The following VPS54 variants were observed in gnomAD, a reference collection of about 807,000 sequenced individuals.
VPS54 encodes VPS54 subunit of GARP complex, also known as vacuolar protein sorting-associated protein 54.
A neutral mutation model predicts 121.5 loss-of-function variants in VPS54; 45 were observed. That is an observed-to-expected ratio of 0.37 (90% CI 0.29 to 0.47). VPS54 has a LOEUF of 0.47. VPS54 is among the 20% of genes least tolerant of loss of function. The pLI is 0.99. For synonymous variants in VPS54, 371 were observed against 385.8 expected (o/e 0.96, Z 0.45); for missense variants, 1,090 against 1,131.4 (o/e 0.96, Z 0.52).
chr2:64,006,939 G>C (rs185764289), intron 1 of VPS54, among the ~76,000 whole-genome samples: 3 of 152,278 alleles, frequency 2.0e-5, no homozygotes, highest in Admixed American at 2.0e-4. Context: ...TTTTTAAATG[G>C]TCAGCAAACA....
At chr2:63,897,941 G>C (rs1246800607) in intron 21 of VPS54, among the ~76,000 whole-genome samples, 1 of 152,132 alleles carries the variant, frequency 6.6e-6, no homozygotes, top group Admixed American at 6.5e-5. Context: ...AGATACCTTC[G>C]TACTTCTAAT....
At chr2:64,011,479 T>A (rs948520384) in intron 1 of VPS54, among the ~76,000 whole-genome samples, 1 of 152,046 alleles carries the variant, frequency 6.6e-6, no homozygotes, top group Non-Finnish European at 1.5e-5. Flanking sequence ...GGCAGAGCAA[T>A]CGCTTGAACA....
chr2:63,944,505 A>ACCTTCGT, intron 10 of VPS54, 95 bp downstream of exon 10: 1 of 1,248,028 alleles, frequency 8.0e-7, no homozygotes, highest in Non-Finnish European at 1.2e-6. Flanking sequence ...ACCTTAGTAA[A>ACCTTCGT]TAATTCCTTA....
chr2:63,976,018 A>ACACGCCCG (rs1392721247), intron 3 of VPS54, among the ~76,000 whole-genome samples: 1 of 152,202 alleles, frequency 6.6e-6, no homozygotes, highest in African/African-American at 2.4e-5. Context: ...GCGTGAGCCG[A>ACACGCCCG]CACGCCCGGT....
At chr2:64,013,055 G>C (rs531227378) in intron 1 of VPS54, among the ~76,000 whole-genome samples, 3 of 152,268 alleles carry the variant, frequency 2.0e-5, no homozygotes, top group Admixed American at 2.0e-4. Context: ...CAAAATCACT[G>C]GTTAAAGGGT....
intron 12 of VPS54, 124 bp downstream of exon 12, chr2:63,933,549 A>T: frequency 2.5e-6 from 2 of 812,722 alleles, no homozygotes; most frequent in African/African-American, 1.7e-5. Flanking sequence ...TCATAAAATT[A>T]ATATATTTTT....
intron 3 of VPS54, among the ~76,000 whole-genome samples, chr2:63,973,575 G>T (rs1300650369): frequency 1.3e-5 from 2 of 150,780 alleles, no homozygotes; most frequent in African/African-American, 4.9e-5. Context: ...TTTGTTTTTT[G>T]AGACTGGGTC....
At chr2:63,945,237 GCAGGAA>G (rs1167577798) in intron 9 of VPS54, among the ~76,000 whole-genome samples, 5 of 152,170 alleles carry the variant, frequency 3.3e-5, no homozygotes, top group Non-Finnish European at 5.9e-5. Flanking sequence ...TATGTCCTTT[GCAGGAA>G]CATGGATGGA....
intron 1 of VPS54, among the ~76,000 whole-genome samples, chr2:64,009,935 G>A (rs1245942421): frequency 2.6e-5 from 4 of 151,462 alleles, no homozygotes; most frequent in Non-Finnish European, 4.4e-5. Flanking sequence ...TCCTGCTTCT[G>A]GATTCAACTG....
chr2:63,939,246 C>A (rs1006348515), intron 11 of VPS54, among the ~76,000 whole-genome samples: 1 of 152,134 alleles, frequency 6.6e-6, no homozygotes, highest in South Asian at 2.1e-4. Context: ...GTGGCGTGCG[C>A]CTATAATCCC....
chr2:63,953,427 C>G (rs945713652), intron 7 of VPS54, among the ~76,000 whole-genome samples: 1 of 152,116 alleles, frequency 6.6e-6, no homozygotes, highest in African/African-American at 2.4e-5. Flanking sequence ...GCCACGCTAC[C>G]CAGCCACCCC....
chr2:63,897,100 ATAACCC>A (rs1288977283), intron 22 of VPS54, among the ~76,000 whole-genome samples: 2 of 152,212 alleles, frequency 1.3e-5, no homozygotes, highest in Non-Finnish European at 2.9e-5. Flanking sequence ...ATTATTTTTC[ATAACCC>A]TGTGAAAGAA....
chr2:64,000,414 A>C (rs1415759064), intron 1 of VPS54, among the ~76,000 whole-genome samples: 1 of 152,140 alleles, frequency 6.6e-6, no homozygotes, highest in African/African-American at 2.4e-5. Flanking sequence ...GTTCATCTGG[A>C]GAGGTCATAT....
At chr2:63,999,395 C>T (rs187370481) in intron 1 of VPS54, among the ~76,000 whole-genome samples, 127 of 152,232 alleles carry the variant, frequency 8.3e-4, no homozygotes, top group Non-Finnish European at 1.6e-3. Flanking sequence ...TTTTTTCCTT[C>T]GGCATTTGAA....
intron 20 of VPS54, among the ~76,000 whole-genome samples, chr2:63,902,473 G>A (rs534373710): frequency 1.3e-5 from 2 of 152,134 alleles, no homozygotes; most frequent in African/African-American, 4.8e-5. Flanking sequence ...CCTGACAGAA[G>A]AGGCATGTCC....
chr2:63,956,911 C>G (rs1427288801), intron 7 of VPS54, among the ~76,000 whole-genome samples: 1 of 152,024 alleles, frequency 6.6e-6, no homozygotes, highest in African/African-American at 2.4e-5. Flanking sequence ...GACACCACAG[C>G]CCTAAGTTTC....
intron 3 of VPS54, among the ~76,000 whole-genome samples, chr2:63,981,055 A>G (rs1176091105): frequency 6.6e-6 from 1 of 152,092 alleles, no homozygotes; most frequent in African/African-American, 2.4e-5. Context: ...TGAAAAAAGT[A>G]TAAAAAGGAA....
chr2:64,005,474 A>G (rs1345562859), intron 1 of VPS54, among the ~76,000 whole-genome samples: 1 of 152,140 alleles, frequency 6.6e-6, no homozygotes, highest in African/African-American at 2.4e-5. Flanking sequence ...AAATCTTAAG[A>G]TATCTGTAGC....
At chr2:63,894,252 GAA>G (rs1481905979) in intron 22 of VPS54, among the ~76,000 whole-genome samples, 1 of 152,168 alleles carries the variant, frequency 6.6e-6, no homozygotes, top group Non-Finnish European at 1.5e-5. Flanking sequence ...CTAACAATAT[GAA>G]AAGTGTATTA....
Sources: allele counts gnomAD v4.1 joint callset (sites outside exome capture counted in the v4.1 genomes callset), GRCh38; gene constraint gnomAD v4.1.1; transcripts MANE v1.5; gene names NCBI Gene and HGNC (gene_info 2026-07-23, HGNC 2026-07-21).